GOLGA5: variants seen among roughly 807,000 people sequenced by gnomAD.
GOLGA5 encodes golgin subfamily A member 5.
GOLGA5 carries 50 observed loss-of-function variants against 93.5 expected under a neutral mutation model. The observed-to-expected ratio is 0.53, with a 90% CI of 0.43 to 0.68. GOLGA5 has a LOEUF of 0.68. Ranked by LOEUF, GOLGA5 falls within the 30% of genes least tolerant of loss-of-function variation. The pLI is 0.00. For missense variants in GOLGA5, 760 were observed against 856.4 expected, an observed-to-expected ratio of 0.89 and a Z score of 1.40; for synonymous variants, 312 against 304.5, an observed-to-expected ratio of 1.02 and a Z score of -0.26.
At chr14:92,838,850 G>A (rs993774040) in intron 12 of GOLGA5, among the ~76,000 whole-genome samples, 2 of 152,086 alleles carry the variant, frequency 1.3e-5, no homozygotes, top group Non-Finnish European at 2.9e-5. Flanking sequence ...AAAGTGGTGA[G>A]GCACTTAGTG....
chr14:92,839,073 C>T (rs1463348286), intron 12 of GOLGA5, among the ~76,000 whole-genome samples: 2 of 152,218 alleles, frequency 1.3e-5, no homozygotes, highest in Non-Finnish European at 2.9e-5. Context: ...TCATGTGTAT[C>T]TAGCAGTTTT....
intron 2 of GOLGA5, among the ~76,000 whole-genome samples, chr14:92,804,207 AT>A (rs2140314819): frequency 6.6e-6 from 1 of 151,796 alleles, no homozygotes; most frequent in African/African-American, 2.4e-5. Flanking sequence ...TATTTTTTGA[AT>A]TTTAATATTT....
chr14:92,795,610 C>T (rs900535399), intron 1 of GOLGA5, among the ~76,000 whole-genome samples: 2 of 152,154 alleles, frequency 1.3e-5, no homozygotes, highest in Non-Finnish European at 2.9e-5. Flanking sequence ...ATAAAAATTC[C>T]ACTCAGCAGT....
chr14:92,797,881 T>C lies in GOLGA5; in HGVS notation c.444T>C (p.Pro148=), dbSNP rs779797527. The change falls in exon 2 of 13, where the codon CCT becomes CCC. Residue 148 remains proline (P), a synonymous_variant. Transcript: ENST00000163416. ...VEIRKEKGKT[P]VFQSSQTSSV... ...TCAGAAAGGAAAAAGGCAAGACACC[T>C]GTCTTTCAGAGCTCTCAGACATCAA... 1.2e-6 allele frequency: 2 copies of C among 1,613,174 alleles called. No homozygotes were observed. Among genetic ancestry groups the C allele is most frequent in the Non-Finnish European group, 1.7e-6 (2 of 1,179,100 alleles).
Position 92,797,591 on chromosome 14 carries a change from T to C in GOLGA5, c.154T>C (p.Leu52=). 6.2e-7 allele frequency: 1 copy of C among 1,613,752 alleles called. No homozygotes were observed. The highest frequency in any genetic ancestry group is 8.5e-7 in the Non-Finnish European group (1 of 1,179,678). ...YTELHQQNTD[L]IYQTGPKSTY... ...TGAACTTCACCAGCAAAATACAGAT[T>C]TGATATATCAGACTGGACCTAAATC... The change falls in exon 2 of 13, where the codon TTG becomes CTG. Residue 52 remains leucine, a synonymous_variant. Coordinates refer to ENST00000163416, the MANE Select transcript of GOLGA5 (RefSeq NM_005113.4).
intron 9 of GOLGA5, among the ~76,000 whole-genome samples, chr14:92,829,307 AT>A (rs1879358565): frequency 6.6e-6 from 1 of 152,088 alleles, no homozygotes; most frequent in African/African-American, 2.4e-5. Context: ...TATTGCTGCC[AT>A]AGATTCCTTA....
intron 3 of GOLGA5, among the ~76,000 whole-genome samples, chr14:92,807,866 A>G (rs10147689): frequency 0.66 from 99,685 of 152,048 alleles, 33,131 homozygotes; most frequent in African/African-American, 0.77. Flanking sequence ...CTAATTAGAA[A>G]GGAGTGAGGG....
intron 11 of GOLGA5, 150 bp from the exon 12 acceptor site, chr14:92,837,236 A>G: frequency 1.9e-6 from 1 of 536,280 alleles, no homozygotes; most frequent in Non-Finnish European, 3.3e-6. Context: ...ATCATTTAAC[A>G]GTCTGCTATA....
chr14:92,839,823 T>TC lies in GOLGA5; in HGVS notation c.*377_*378insC, dbSNP rs1885722237. The TC allele has an allele frequency of 1.3e-5, 3 of 223,106 alleles. No individual in the cohort carries two copies. Among genetic ancestry groups the TC allele is most frequent in the South Asian group, 1.8e-4 (1 of 5,488 alleles). The allele number at this position is 223,106 out of a possible 1,614,324, so 13.8% of individuals were successfully genotyped here. On this transcript the variant is annotated 3_prime_UTR_variant, in exon 13 of 13. Transcript: ENST00000163416. ...AGTGACAAAAATAAAAAGTTTTTTT[T>TC]TATAATTCAGTCTGCTTTTGGATTT...
rs1317914661 is a variant in GOLGA5, at chr14:92,809,494, G to C, written c.967G>C (p.Glu323Gln). ...ACTGAGTACTCGCACAGAAGCATTAGAAGCCTTACAGAGTGAAAAATCACG... is the reference window on the plus strand; with the variant it reads ...ACTGAGTACTCGCACAGAAGCATTACAAGCCTTACAGAGTGAAAAATCACG... ...QLLSTRTEAL[E>Q]ALQSEKSRIM... is the part of the protein sequence containing the mutation. Residue 323 changes from glutamate to glutamine, a missense_variant, in exon 4 of 13, where the codon GAA (glutamate) becomes CAA (glutamine). By Grantham distance (29) the Glu-to-Gln change is conservative. Coordinates refer to ENST00000163416, the MANE Select transcript of GOLGA5 (RefSeq NM_005113.4). 7 of 1,612,640 alleles carry C rather than the reference G, an allele frequency of 4.3e-6. No individual in the cohort carries two copies. In the African/African-American group the frequency reaches 9.3e-5, roughly 22 times the overall value.
At chr14:92,828,287 A>C (rs573492266) in intron 9 of GOLGA5, among the ~76,000 whole-genome samples, 1 of 152,326 alleles carries the variant, frequency 6.6e-6, no homozygotes, top group South Asian at 2.1e-4. Flanking sequence ...AGTTAAAGCC[A>C]GTGCTCATTT....
Position 92,797,463 on chromosome 14 carries a change from G to T in GOLGA5, c.26G>T (p.Gly9Val). Residue 9 changes from glycine (G) to valine (V), a missense_variant, in exon 2 of 13, where the codon GGA becomes GTA. By Grantham distance (109) the Gly-to-Val change is moderately radical (BLOSUM62 -3). Coordinates refer to ENST00000163416, the MANE Select transcript of GOLGA5 (RefSeq NM_005113.4). ...ATGTCTTGGTTTGTTGATCTTGCTG[G>T]AAAGGCAGAAGATCTTTTAAACCGA... MSWFVDLA[G>V]KAEDLLNRVD... The T allele has an allele frequency of 6.2e-7, 1 of 1,609,158 alleles. No homozygotes were observed. The highest frequency in any genetic ancestry group is 8.5e-7 in the Non-Finnish European group (1 of 1,178,382).
intron 1 of GOLGA5, among the ~76,000 whole-genome samples, chr14:92,794,769 G>C (rs1403326192): frequency 6.6e-6 from 1 of 152,164 alleles, no homozygotes; most frequent in Non-Finnish European, 1.5e-5. Context: ...CAAACTGACA[G>C]ACCCCAGGGC....
intron 9 of GOLGA5, among the ~76,000 whole-genome samples, chr14:92,832,388 CAG>C (rs1595604655): frequency 6.6e-6 from 1 of 152,082 alleles, no homozygotes; most frequent in Admixed American, 6.6e-5. Context: ...AGTTTCCAAA[CAG>C]AGGAAACGTG....
intron 12 of GOLGA5, among the ~76,000 whole-genome samples, chr14:92,837,924 A>G (rs759251784): frequency 7.2e-5 from 11 of 152,244 alleles, no homozygotes; most frequent in Non-Finnish European, 1.3e-4. Flanking sequence ...TTGGTAGAGT[A>G]TAAATTGACA....
Position 92,835,618 on chromosome 14 carries a change from A to G in GOLGA5, c.2005A>G (p.Met669Val). 1.2e-6 allele frequency: 2 copies of G among 1,613,760 alleles called. No homozygotes were observed. Among genetic ancestry groups the G allele is most frequent in the Middle Eastern group, 1.7e-4 (1 of 6,058 alleles). Residue 669 changes from methionine (M) to valine (V), a missense_variant, in exon 11 of 13, where the codon ATG becomes GTG. Met to Val is a conservative substitution (Grantham distance 21). Transcript: ENST00000163416. ...FNDTETNLAG[M>V]YGKVRKAASS... ...TGACACAGAAACTAATCTGGCAGGA[A>G]TGTACGGAAAAGTTCGCAAAGCTGC...
intron 8 of GOLGA5, among the ~76,000 whole-genome samples, chr14:92,822,789 T>C (rs1235071989): frequency 6.6e-6 from 1 of 152,136 alleles, no homozygotes; most frequent in Non-Finnish European, 1.5e-5. Flanking sequence ...CCCGAGTAGC[T>C]GGGATTACAG....
intron 11 of GOLGA5, among the ~76,000 whole-genome samples, 179 bp from the exon 12 acceptor site, chr14:92,837,207 T>A (rs1885660229): frequency 6.6e-6 from 1 of 152,226 alleles, no homozygotes; most frequent in Non-Finnish European, 1.5e-5. Flanking sequence ...ATGACATTTT[T>A]ATATTATTAT....
chr14:92,834,184 C>CTTTTTTTTTTTTTTTTTTT (rs35449807), intron 10 of GOLGA5, among the ~76,000 whole-genome samples: 6 of 135,062 alleles, frequency 4.4e-5, no homozygotes, highest in South Asian at 2.4e-4. Flanking sequence ...TAGGTTTCAC[C>CTTTTTTTTTTTTTTTTTTT]TTTTTTTTTT....
Sources: allele counts gnomAD v4.1 joint callset (sites outside exome capture counted in the v4.1 genomes callset), GRCh38; gene constraint gnomAD v4.1.1; transcripts MANE v1.5; gene names NCBI Gene and HGNC (gene_info 2026-07-23, HGNC 2026-07-21).